Variants in FAM163A observed in about 807,000 individuals in gnomAD.
The protein encoded by FAM163A is family with sequence similarity 163 member A.
FAM163A carries 7 observed loss-of-function variants against 12.0 expected under a neutral mutation model. The observed-to-expected ratio is 0.58, with a 90% CI of 0.33 to 1.10. The LOEUF (loss-of-function observed/expected upper bound fraction) is 1.10, where lower values mean the gene tolerates loss of function less well. Among genes scored for constraint, FAM163A ranks in the 50% least tolerant of loss-of-function variants. The probability of loss-of-function intolerance (pLI) is 0.03; values close to 1 mark genes in which losing one functional copy is unlikely to be tolerated. For missense variants in FAM163A, 202 were observed against 218.6 expected, an observed-to-expected ratio of 0.92 and a Z score of 0.48; for synonymous variants, 101 against 91.0, an observed-to-expected ratio of 1.11 and a Z score of -0.62.
chr1:179,780,492 C>T (rs1361894587), intron 1 of FAM163A, among the ~76,000 whole-genome samples: 1 of 152,226 alleles, frequency 6.6e-6, no homozygotes, highest in South Asian at 2.1e-4. Context: ...GATCGTTCTT[C>T]CTTGCTGTGA....
intron 1 of FAM163A, chr1:179,803,886 C>T (rs1318975629): frequency 2.0e-5 from 3 of 150,950 alleles, no homozygotes; most frequent in African/African-American, 7.3e-5. Flanking sequence ...ATTCTGACCA[C>T]TTTATTGGCT....
chr1:179,799,509 G>A lies in FAM163A; in HGVS notation c.-135-8289G>A, dbSNP rs534552422. On this transcript the variant is annotated intron_variant, in intron 1 of 4. Transcript: ENST00000341785. ...ACGACTCTGGTCATGGAAGAAGAGT[G>A]GCAGCAGGCTGTCCCGGAAATAGTC... Among the ~76,000 whole-genome samples, 4 of 152,388 alleles carry A rather than the reference G, an allele frequency of 2.6e-5. No homozygotes were observed. In the East Asian group the frequency reaches 7.7e-4, roughly 29 times the overall value.
In FAM163A at chr1:179,813,975, CCTGCTCCCCATA is replaced by C. The variant is rs1557985791; in HGVS notation, c.292_303del (p.Cys98_Tyr101del). On this transcript the variant is annotated inframe_deletion, in exon 5 of 5. Coordinates refer to ENST00000341785, the MANE Select transcript of FAM163A (RefSeq NM_173509.3). ...GGGGTGGCCGCGAGCCACTGCACTA[CCTGCTCCCCATA>C]CAGCTCCCCCTTTTACATACGGACG... 6.2e-7 allele frequency: 1 copy of C among 1,613,912 alleles called. No individual in the cohort carries two copies. Among genetic ancestry groups the C allele is most frequent in the East Asian group, 2.2e-5 (1 of 44,886 alleles).
rs114615362 is a variant in FAM163A at position 179,762,298 on chromosome 1, T to C, written c.-136+18875T>C. Among the ~76,000 whole-genome samples, 826 of 152,316 alleles carry C rather than the reference T, an allele frequency of 5.4e-3. 3 individuals are homozygous for C. Among genetic ancestry groups the C allele is most frequent in the African/African-American group, 0.019 (790 of 41,576 alleles). ...CCCAAGATTTATAAGTAGATGCCTG[T>C]AATGGGAGTAAACATCAGGAGAGTC... On this transcript the variant is annotated intron_variant, in intron 1 of 4. Transcript: ENST00000341785.
intron 1 of FAM163A, among the ~76,000 whole-genome samples, chr1:179,757,922 A>G (rs1218790919): frequency 1.3e-5 from 2 of 152,260 alleles, no homozygotes; most frequent in African/African-American, 4.8e-5. Flanking sequence ...ATTCTGAACT[A>G]AAGGATTCAA....
chr1:179,738,443 T>G (rs1255240580), upstream of FAM163A, among the ~76,000 whole-genome samples: 1 of 152,198 alleles, frequency 6.6e-6, no homozygotes, highest in Admixed American at 6.5e-5. Flanking sequence ...TTTGTATCAA[T>G]TATACCTCAA....
rs1688436971 is a variant in FAM163A at position 179,772,644 on chromosome 1, CTT to C, written c.-136+29223_-136+29224del. 3.3e-5 allele frequency among the ~76,000 whole-genome samples: 5 copies of C among 152,240 alleles called. No homozygotes were observed. In the South Asian group the frequency reaches 1.0e-3, roughly 32 times the overall value. On this transcript the variant is annotated intron_variant, in intron 1 of 4. Coordinates refer to ENST00000341785, the MANE Select transcript of FAM163A (RefSeq NM_173509.3). ...CTTCTCTGCTTAAAGACCTAAGACA[CTT>C]TGTTGTAGTTAGGATAGGGTTTAAT...
rs749980832 is a variant in FAM163A at position 179,782,105 on chromosome 1, A to AT, written c.-135-25693_-135-25692insT. 3.9e-5 allele frequency among the ~76,000 whole-genome samples: 6 copies of AT among 152,132 alleles called. No individual in the cohort carries two copies. The South Asian group carries it at 1.2e-3, about 32-fold the overall frequency. ...CCAGGCTGACTCCTTTGCAGCTGGC[A>AT]GACAGCCCTGGGGAACAGGCGAAAT... is the stretch of plus-strand genomic sequence containing the variant. On this transcript the variant is annotated intron_variant, in intron 1 of 4. Transcript: ENST00000341785.
intron 1 of FAM163A, among the ~76,000 whole-genome samples, chr1:179,798,058 C>G (rs953045664): frequency 1.3e-5 from 2 of 152,000 alleles, no homozygotes; most frequent in African/African-American, 4.8e-5. Context: ...GGCGAAACTC[C>G]GTCTCTACTA....
Position 179,813,818 on chromosome 1 carries a change from G to C in FAM163A, c.133G>C (p.Glu45Gln). Reference sequence around the variant, plus strand: ...GAAGAGCGGAACCGAGGTTGCAGACGAGGAGGAGGAGCGGGAGCACGACCT... The same window carrying C: ...GAAGAGCGGAACCGAGGTTGCAGACCAGGAGGAGGAGCGGGAGCACGACCT... Reference protein sequence around the residue: ...CKKSGTEVADEEEEREHDLPT... With the variant: ...CKKSGTEVADQEEEREHDLPT... Residue 45 changes from glutamate (E) to glutamine (Q), a missense_variant, in exon 5 of 5, where the codon GAG becomes CAG. Glu to Gln is a conservative substitution (Grantham distance 29). Coordinates refer to ENST00000341785, the MANE Select transcript of FAM163A (RefSeq NM_173509.3). The C allele has an allele frequency of 1.2e-6, 2 of 1,614,016 alleles. No homozygotes were observed. The highest frequency in any genetic ancestry group is 1.7e-6 in the Non-Finnish European group (2 of 1,180,012).
At chr1:179,796,553 C>T (rs1692349157) in intron 1 of FAM163A, among the ~76,000 whole-genome samples, 1 of 152,208 alleles carries the variant, frequency 6.6e-6, no homozygotes, top group African/African-American at 2.4e-5. Context: ...CCCAAAGTCT[C>T]CTCCTCCTGC....
At chr1:179,730,563 T>C in the FAM163A span, 1 of 152,274 alleles carries the variant, frequency 6.6e-6, no homozygotes, top group Non-Finnish European at 1.5e-5. Context: ...GAAGGAGGTG[T>C]TTATGTCTCT....
the FAM163A span, among the ~76,000 whole-genome samples, chr1:179,728,053 AAAG>A: frequency 6.6e-6 from 1 of 152,156 alleles, no homozygotes; most frequent in Non-Finnish European, 1.5e-5. Context: ...GTGGGCAGAA[AAAG>A]GAGACAGTAG....
rs758402216 is a variant in FAM163A at position 179,813,922 on chromosome 1, C to T, written c.237C>T (p.Leu79=). The T allele has an allele frequency of 6.0e-5, 97 of 1,613,690 alleles. No individual in the cohort carries two copies. Among genetic ancestry groups the T allele is most frequent in the Admixed American group, 8.3e-5 (5 of 60,000 alleles). The change falls in exon 5 of 5, where the codon CTC becomes CTT. Residue 79 remains leucine, a synonymous_variant. Transcript: ENST00000341785. ...ACGGCAGAGGCAGCCTGGCGCCTCTCACCAGCGAGCCCTGCAGCCAGCCCT... is the reference window on the plus strand; with the variant it reads ...ACGGCAGAGGCAGCCTGGCGCCTCTTACCAGCGAGCCCTGCAGCCAGCCCT... The part of the protein sequence containing the change: ...ALDGRGSLAP[L]TSEPCSQPCG...
At chr1:179,761,421 T>C (rs1383553919) in intron 1 of FAM163A, among the ~76,000 whole-genome samples, 6 of 152,216 alleles carry the variant, frequency 3.9e-5, no homozygotes, top group Non-Finnish European at 8.8e-5. Context: ...GCAGTCTTTT[T>C]CTCCAGGAGG....
intron 1 of FAM163A, among the ~76,000 whole-genome samples, chr1:179,807,085 G>GA (rs111889898): frequency 0.01 from 1,435 of 138,244 alleles, 16 homozygotes; most frequent in Middle Eastern, 0.015. Context: ...CTGTGTCTCA[G>GA]AAAAAAAAAA....
rs146609794 is a variant in FAM163A at position 179,788,872 on chromosome 1, G to T, written c.-135-18926G>T. Among the ~76,000 whole-genome samples the T allele has an allele frequency of 7.9e-4, 120 of 152,312 alleles. 1 individual carries two copies. The highest frequency in any genetic ancestry group is 3.2e-3 in the Admixed American group (49 of 15,312). ...CAGCCTGCCTCACTCACCAGGTGGG[G>T]TGTTTACCTGGCGCAGAGAATTGCC... On this transcript the variant is annotated intron_variant, in intron 1 of 4. Coordinates refer to ENST00000341785, the MANE Select transcript of FAM163A (RefSeq NM_173509.3).
intron 2 of FAM163A, among the ~76,000 whole-genome samples, chr1:179,808,445 G>A (rs1694253623): frequency 6.6e-6 from 1 of 152,220 alleles, no homozygotes; most frequent in African/African-American, 2.4e-5. Context: ...AAGGTCAACT[G>A]GAGAAGGATC....
intron 1 of FAM163A, among the ~76,000 whole-genome samples, chr1:179,794,927 G>A (rs1471387725): frequency 6.6e-6 from 1 of 152,182 alleles, no homozygotes; most frequent in South Asian, 2.1e-4. Flanking sequence ...GTCCCACTGA[G>A]CCATGAATCT....
Sources: gnomAD v4.1 joint callset for allele counts (sites outside exome capture counted in the v4.1 genomes callset) on GRCh38, gnomAD v4.1.1 for gene constraint, MANE v1.5 for transcripts, NCBI Gene and HGNC (gene_info 2026-07-23, HGNC 2026-07-21) for gene names.